OSBPL10: variants seen among roughly 807,000 people sequenced by gnomAD.
OSBPL10 encodes oxysterol binding protein like 10, also known as oxysterol-binding protein-related protein 10.
In OSBPL10, 49 loss-of-function variants were observed where a neutral mutation model predicts 81.7. That is an observed-to-expected ratio of 0.60 (90% CI 0.48 to 0.76). OSBPL10 has a LOEUF of 0.76. Among genes scored for constraint, OSBPL10 ranks in the 30% least tolerant of loss-of-function variants. The pLI, the probability that OSBPL10 is intolerant of heterozygous loss-of-function variation, is 0.00. For missense variants in OSBPL10, 923 were observed against 987.8 expected (o/e 0.93, Z 0.88); for synonymous variants, 419 against 383.6 (o/e 1.09, Z -1.08).
intron 3 of OSBPL10, among the ~76,000 whole-genome samples, chr3:31,841,530 C>G (rs1700498432): frequency 6.6e-6 from 1 of 152,174 alleles, no homozygotes; most frequent in Non-Finnish European, 1.5e-5. Context: ...GAGGCTTAGG[C>G]TATTTTAAAT....
chr3:31,712,148 C>T (rs143754603), intron 6 of OSBPL10, among the ~76,000 whole-genome samples: 4 of 152,326 alleles, frequency 2.6e-5, no homozygotes, highest in East Asian at 1.9e-4. Context: ...TATAATAGGA[C>T]TCATTCCCTT....
At chr3:31,853,505 A>G (rs1312828652) in intron 3 of OSBPL10, among the ~76,000 whole-genome samples, 1 of 152,150 alleles carries the variant, frequency 6.6e-6, no homozygotes, top group Non-Finnish European at 1.5e-5. Flanking sequence ...AGAAAGAAAA[A>G]TGCAAATCAA....
At chr3:31,812,826 A>AAGAAAGAAAGAAAGAGAAAGAC (rs1699742484) in intron 4 of OSBPL10, among the ~76,000 whole-genome samples, 1 of 135,180 alleles carries the variant, frequency 7.4e-6, no homozygotes, top group Non-Finnish European at 1.6e-5. Flanking sequence ...AAGAGAAAGA[A>AAGAAAGAAAGAAAGAGAAAGAC]AGAAAGAAAG....
At chr3:31,875,082 TAAA>T (rs555527834) in intron 3 of OSBPL10, among the ~76,000 whole-genome samples, 2 of 103,070 alleles carry the variant, frequency 1.9e-5, no homozygotes, top group African/African-American at 3.7e-5. Context: ...ATATATTAAG[TAAA>T]AAAAAAAAAA....
intron 1 of OSBPL10, among the ~76,000 whole-genome samples, chr3:32,052,941 C>T (rs1345969685): frequency 6.7e-6 from 1 of 150,044 alleles, no homozygotes; most frequent in Admixed American, 6.8e-5. Context: ...GCACGTTCTG[C>T]ACATATATCC....
chr3:31,751,172 C>G (rs561908515), intron 4 of OSBPL10, among the ~76,000 whole-genome samples: 7 of 151,838 alleles, frequency 4.6e-5, no homozygotes, highest in Admixed American at 3.3e-4. Flanking sequence ...AAACAAACAA[C>G]AACAACAAAA....
intron 4 of OSBPL10, among the ~76,000 whole-genome samples, chr3:31,799,322 A>G (rs1396466623): frequency 1.3e-5 from 2 of 149,300 alleles, no homozygotes; most frequent in Non-Finnish European, 3.0e-5. Flanking sequence ...CGAGAGGATC[A>G]CATGAGGCCA....
At chr3:31,681,347 G>A (rs1035660074) in intron 8 of OSBPL10, among the ~76,000 whole-genome samples, 17 of 152,228 alleles carry the variant, frequency 1.1e-4, no homozygotes, top group Non-Finnish European at 2.4e-4. Context: ...GCTTTGGGGT[G>A]TAAACCTAAC....
chr3:31,962,402 A>G (rs1698193900), intron 1 of OSBPL10, among the ~76,000 whole-genome samples: 1 of 152,230 alleles, frequency 6.6e-6, no homozygotes, highest in African/African-American at 2.4e-5. Context: ...ATGATAAAAA[A>G]GTACCGGACA....
intron 3 of OSBPL10, among the ~76,000 whole-genome samples, chr3:31,835,636 T>A (rs1210060604): frequency 6.6e-6 from 1 of 152,106 alleles, no homozygotes; most frequent in Non-Finnish European, 1.5e-5. Flanking sequence ...AAAAAGATAC[T>A]ATATTTCAGA....
chr3:31,993,460 G>A (rs1016392476), intron 2 of OSBPL10, among the ~76,000 whole-genome samples: 15 of 151,842 alleles, frequency 9.9e-5, no homozygotes, highest in Non-Finnish European at 1.9e-4. Flanking sequence ...CACCCGCCTC[G>A]GCCTCCCAAA....
At chr3:31,973,021 A>G (rs951330624) in intron 1 of OSBPL10, among the ~76,000 whole-genome samples, 1 of 152,192 alleles carries the variant, frequency 6.6e-6, no homozygotes, top group African/African-American at 2.4e-5. Context: ...AGTCCAGTCT[A>G]GGTTATCAAA....
chr3:31,872,448 TG>T (rs1701353568), intron 3 of OSBPL10, among the ~76,000 whole-genome samples: 1 of 139,912 alleles, frequency 7.1e-6, no homozygotes, highest in African/African-American at 3.2e-5. Flanking sequence ...TTGTTTTTGT[TG>T]TTGTTTTTTT....
At chr3:31,662,662 CTG>C (rs1700095707) in intron 11 of OSBPL10, 4 of 985,872 alleles carry the variant, frequency 4.1e-6, no homozygotes, top group African/African-American at 1.7e-5. Flanking sequence ...TACTGAATAA[CTG>C]TGCTGGTGTT....
intron 4 of OSBPL10, among the ~76,000 whole-genome samples, chr3:31,751,221 A>G (rs1697707324): frequency 6.6e-6 from 1 of 152,076 alleles, no homozygotes; most frequent in Non-Finnish European, 1.5e-5. Flanking sequence ...ATGGTGGTGC[A>G]CCTGTGGTCC....
At chr3:31,994,044 C>G (rs1575081409) in intron 2 of OSBPL10, among the ~76,000 whole-genome samples, 1 of 152,220 alleles carries the variant, frequency 6.6e-6, no homozygotes, top group Non-Finnish European at 1.5e-5. Flanking sequence ...GAGTACTCAG[C>G]AATAAATGAG....
At chr3:31,995,099 G>A (rs895318675) in intron 2 of OSBPL10, among the ~76,000 whole-genome samples, 12 of 152,314 alleles carry the variant, frequency 7.9e-5, no homozygotes, top group African/African-American at 2.6e-4. Context: ...AATGGGGCAA[G>A]GACAAAATCA....
intron 2 of OSBPL10, among the ~76,000 whole-genome samples, chr3:31,997,674 A>C (rs550881385): frequency 6.6e-6 from 1 of 152,156 alleles, no homozygotes; most frequent in Non-Finnish European, 1.5e-5. Flanking sequence ...TGCTTACCAC[A>C]AATTTCATCA....
intron 1 of OSBPL10, among the ~76,000 whole-genome samples, chr3:31,952,997 AT>A (rs1697913232): frequency 6.8e-6 from 1 of 148,112 alleles, no homozygotes. Context: ...CAATGGTGCA[AT>A]CTCGGCTCAC....
Sources: allele counts gnomAD v4.1 joint callset (sites outside exome capture counted in the v4.1 genomes callset), GRCh38; gene constraint gnomAD v4.1.1; transcripts MANE v1.5; gene names NCBI Gene and HGNC (gene_info 2026-07-23, HGNC 2026-07-21).